Variants in LRTM3 observed in about 807,000 individuals in gnomAD.
LRTM3 encodes leucine rich repeat transmembrane protein 3, also known as leucine-rich repeat transmembrane protein 3.
chr13:102,739,724 A>T, the LRTM3 span: 1 of 1,549,360 alleles, frequency 6.5e-7, no homozygotes, highest in Non-Finnish European at 8.7e-7. Context: ...TCCCTGTGAT[A>T]TGTGTTGTTT....
At chr13:102,731,316 A>C in the LRTM3 span, 209 of 1,551,316 alleles carry the variant, frequency 1.3e-4, no homozygotes, top group Non-Finnish European at 1.8e-4. Flanking sequence ...TTATGTCTAG[A>C]ATAGAACCTC....
chr13:102,733,100 G>A, the LRTM3 span: 4 of 1,551,410 alleles, frequency 2.6e-6, no homozygotes, highest in East Asian at 2.4e-5. Context: ...ATCTGTTTCC[G>A]ATGGTGTCTT....
At chr13:102,746,794 A>G in the LRTM3 span, 1 of 1,551,270 alleles carries the variant, frequency 6.4e-7, no homozygotes, top group Non-Finnish European at 8.7e-7. Flanking sequence ...TTGGAATATA[A>G]CTTTCTCTTG....
chr13:102,743,969 A>G, the LRTM3 span: 1 of 1,550,416 alleles, frequency 6.4e-7, no homozygotes, highest in South Asian at 1.2e-5. Context: ...ATGACCATCC[A>G]GATTTTGTCG....
At chr13:102,754,039 C>G in the LRTM3 span, among the ~76,000 whole-genome samples, 2 of 151,964 alleles carry the variant, frequency 1.3e-5, no homozygotes, top group African/African-American at 4.8e-5. Flanking sequence ...AACCCCAACT[C>G]TACTAAAAAT....
chr13:102,729,450 G>A, the LRTM3 span: 5 of 1,451,500 alleles, frequency 3.4e-6, no homozygotes, highest in East Asian at 1.2e-4. Flanking sequence ...CTATGGTAAT[G>A]TCAGCTATGA....
At chr13:102,737,487 C>T in the LRTM3 span, 1 of 1,550,620 alleles carries the variant, frequency 6.4e-7, no homozygotes, top group South Asian at 1.2e-5. Flanking sequence ...TGTTGCTCTT[C>T]AGTTTCTCCA....
chr13:102,730,229 T>G, the LRTM3 span: 35 of 1,551,238 alleles, frequency 2.3e-5, no homozygotes, highest in Non-Finnish European at 1.0e-5. Context: ...TTTGTAGACA[T>G]TTTCCAAAGG....
At chr13:102,749,648 G>A in the LRTM3 span, 1 of 1,551,342 alleles carries the variant, frequency 6.4e-7, no homozygotes, top group Middle Eastern at 1.7e-4. Context: ...GCTAGAAAAT[G>A]GCTTCTTCAT....
the LRTM3 span, chr13:102,743,244 C>G: frequency 8.4e-6 from 13 of 1,550,574 alleles, no homozygotes; most frequent in African/African-American, 1.4e-5. Flanking sequence ...CTTGCTATCC[C>G]TTCAGCTAGT....
the LRTM3 span, among the ~76,000 whole-genome samples, chr13:102,755,378 T>C: frequency 6.6e-6 from 1 of 152,090 alleles, no homozygotes; most frequent in African/African-American, 2.4e-5. Context: ...CTATTTCCAA[T>C]AGCAAAGACA....
chr13:102,738,818 A>G, the LRTM3 span: 5 of 1,550,244 alleles, frequency 3.2e-6, no homozygotes, highest in African/African-American at 1.4e-5. Flanking sequence ...ATCTTCCTGA[A>G]TCTTTCCTCC....
the LRTM3 span, chr13:102,731,767 T>C: frequency 1.3e-6 from 2 of 1,551,262 alleles, no homozygotes; most frequent in South Asian, 2.4e-5. Context: ...GGAAAGCTTT[T>C]TGCTGCTGAA....
chr13:102,739,912 T>C, the LRTM3 span: 12 of 1,550,256 alleles, frequency 7.7e-6, no homozygotes, highest in Admixed American at 7.9e-5. Context: ...GTCTGTTACT[T>C]GAGGCACCAC....
the LRTM3 span, among the ~76,000 whole-genome samples, chr13:102,756,112 C>T: frequency 1.3e-5 from 2 of 150,900 alleles, no homozygotes; most frequent in African/African-American, 4.9e-5. Flanking sequence ...GCCACCACAG[C>T]CGGTTAATTT....
chr13:102,743,895 A>G, the LRTM3 span: 13 of 1,550,760 alleles, frequency 8.4e-6, 1 homozygote, highest in South Asian at 1.5e-4. Flanking sequence ...GGCATGAAGA[A>G]ATCTAAAAGA....
chr13:102,733,354 A>C, the LRTM3 span: 1 of 1,551,232 alleles, frequency 6.4e-7, no homozygotes, highest in African/African-American at 1.4e-5. Context: ...CCTTTGGCTT[A>C]TCAAATTTAC....
At chr13:102,730,779 C>T in the LRTM3 span, 2 of 1,551,564 alleles carry the variant, frequency 1.3e-6, no homozygotes, top group Non-Finnish European at 1.7e-6. Context: ...TTGGGAAGTA[C>T]ATTTGGCTTA....
At chr13:102,735,766 C>A in the LRTM3 span, 5 of 1,544,988 alleles carry the variant, frequency 3.2e-6, no homozygotes, top group Non-Finnish European at 3.5e-6. Flanking sequence ...AATCCTGAAT[C>A]TTTAGTGGTG....
Sources: gnomAD v4.1 joint callset for allele counts (sites outside exome capture counted in the v4.1 genomes callset) on GRCh38, gnomAD v4.1.1 for gene constraint, MANE v1.5 for transcripts, NCBI Gene and HGNC (gene_info 2026-07-23, HGNC 2026-07-21) for gene names.